The following LIMCH1 variants were observed in gnomAD, a reference collection of about 807,000 sequenced individuals.
The protein encoded by LIMCH1 is LIM and calponin homology domains 1.
A neutral mutation model predicts 176.5 loss-of-function variants in LIMCH1; 113 were observed. The observed-to-expected ratio is 0.64, with a 90% CI of 0.55 to 0.75. LIMCH1 has a LOEUF of 0.75. Among genes scored for constraint, LIMCH1 ranks in the 30% least tolerant of loss-of-function variants. The probability of loss-of-function intolerance (pLI) is 0.00; values close to 1 mark genes in which losing one functional copy is unlikely to be tolerated. For missense variants in LIMCH1, 1,674 were observed against 1,814.9 expected (o/e 0.92, Z 1.41); for synonymous variants, 619 against 645.9 (o/e 0.96, Z 0.63).
At chr4:41,619,702 G>A (rs2092415522) in intron 6 of LIMCH1, 2 of 513,038 alleles carry the variant, frequency 3.9e-6, no homozygotes, top group Admixed American at 6.4e-5. Flanking sequence ...AACCAATTCT[G>A]TTGATAGGAC....
At chr4:41,546,733 C>A (rs997533045) in intron 1 of LIMCH1, among the ~76,000 whole-genome samples, 2 of 152,080 alleles carry the variant, frequency 1.3e-5, no homozygotes, top group Admixed American at 1.3e-4. Flanking sequence ...TTAGTACAAT[C>A]AGAGCAAAAA....
At chr4:41,538,117 T>C, upstream of LIMCH1, 1 of 964,276 alleles carries the variant, frequency 1.0e-6, no homozygotes, top group Non-Finnish European at 1.2e-6. Flanking sequence ...CTCCAATAGG[T>C]GTGGCAATCA....
intron 1 of LIMCH1, among the ~76,000 whole-genome samples, chr4:41,440,693 C>T (rs547248980): frequency 2.6e-5 from 4 of 152,118 alleles, no homozygotes; most frequent in African/African-American, 7.2e-5. Flanking sequence ...CCACCGCGCC[C>T]GGCTAATTTT....
chr4:41,365,477 CAT>C (rs1457125024), intron 1 of LIMCH1, among the ~76,000 whole-genome samples: 1 of 152,206 alleles, frequency 6.6e-6, no homozygotes, highest in South Asian at 2.1e-4. Flanking sequence ...TGGCCAGTAA[CAT>C]ATGACTTTTG....
rs557064698 is a variant in LIMCH1, at chr4:41,432,048, G to A, written c.97-62488G>A. Among the ~76,000 whole-genome samples, 11 of 152,300 alleles carry A rather than the reference G, an allele frequency of 7.2e-5. No homozygotes were observed. The South Asian group carries it at 2.1e-3, about 29-fold the overall frequency. On this transcript the variant is annotated intron_variant, in intron 1 of 26. Coordinates refer to the LIMCH1 transcript ENST00000313860. Reference sequence around the variant, plus strand: ...TTGCAGGTGAAGAAATTTAGGCTAGGATGTTAAATAATTTGTCCAAGGCAG... The same window carrying A: ...TTGCAGGTGAAGAAATTTAGGCTAGAATGTTAAATAATTTGTCCAAGGCAG...
chr4:41,675,917 G>A (rs909713531), intron 22 of LIMCH1, among the ~76,000 whole-genome samples: 39 of 152,202 alleles, frequency 2.6e-4, no homozygotes, highest in African/African-American at 9.2e-4. Context: ...GTAGGGAAAA[G>A]TGGTATGGAA....
chr4:41,363,550 T>C (rs1380879636), intron 1 of LIMCH1, among the ~76,000 whole-genome samples: 6 of 152,200 alleles, frequency 3.9e-5, no homozygotes, highest in Non-Finnish European at 8.8e-5. Flanking sequence ...CCTTGAGTCA[T>C]GGATTGGCAA....
At chr4:41,643,978 T>A (rs2093941936) in intron 14 of LIMCH1, among the ~76,000 whole-genome samples, 1 of 152,096 alleles carries the variant, frequency 6.6e-6, no homozygotes, top group South Asian at 2.1e-4. Context: ...CCAAATGATA[T>A]TTTTTTGGAA....
At chr4:41,371,361 C>T (rs1466105862) in intron 1 of LIMCH1, among the ~76,000 whole-genome samples, 2 of 152,126 alleles carry the variant, frequency 1.3e-5, no homozygotes, top group African/African-American at 4.8e-5. Flanking sequence ...GTGGTTAGGA[C>T]CATGATGAAA....
intron 1 of LIMCH1, among the ~76,000 whole-genome samples, chr4:41,426,316 C>T (rs971503404): frequency 3.9e-5 from 6 of 152,154 alleles, no homozygotes; most frequent in African/African-American, 1.2e-4. Context: ...CCACTGCGCC[C>T]GGCCCGTGAA....
At chr4:41,415,820 A>T (rs892589829) in intron 1 of LIMCH1, among the ~76,000 whole-genome samples, 4 of 132,064 alleles carry the variant, frequency 3.0e-5, no homozygotes, top group African/African-American at 1.4e-4. Context: ...TACTAAAAAT[A>T]AAAAAAAATA....
chr4:41,530,082 T>TCTGG (rs2077092753), intron 3 of LIMCH1, among the ~76,000 whole-genome samples: 1 of 152,238 alleles, frequency 6.6e-6, no homozygotes, highest in Admixed American at 6.5e-5. Context: ...AGTTATCTGC[T>TCTGG]TTAGTTTATG....
chr4:41,438,690 A>AT (rs5857795), intron 1 of LIMCH1, among the ~76,000 whole-genome samples: 30,677 of 145,598 alleles, frequency 0.21, 3,614 homozygotes, highest in South Asian at 0.32. Flanking sequence ...GTGAAGGACT[A>AT]TTTTTTTTTT....
intron 1 of LIMCH1, among the ~76,000 whole-genome samples, chr4:41,547,859 GTGTGTATATATATATATATATA>G (rs2079757737): frequency 1.4e-5 from 1 of 69,444 alleles, no homozygotes; most frequent in Admixed American, 1.6e-4. Context: ...TAATTTGTGT[GTGTGTATATATATATATATATA>G]TATATATATA....
At position 41,572,701 on chromosome 4, in the gene LIMCH1, G is replaced by A. The variant is rs181075355; in HGVS notation, c.-240-26219G>A. Among the ~76,000 whole-genome samples the A allele has an allele frequency of 5.6e-4, 85 of 152,266 alleles. 1 individual carries two copies. The highest frequency in any genetic ancestry group is 1.8e-3 in the Admixed American group (28 of 15,290). On this transcript the variant is annotated intron_variant, in intron 1 of 31. Transcript: ENST00000503057. ...AACTGTAATTAGAGTCTGTGAAATC[G>A]CACAACCAGAGTATTGTCACATGGT...
chr4:41,650,676 A>G (rs911635248), intron 18 of LIMCH1, 68 bp downstream of exon 18: 2 of 1,319,382 alleles, frequency 1.5e-6, no homozygotes, highest in African/African-American at 3.0e-5. Flanking sequence ...GTTTTTAAAA[A>G]TAAGTAGGTC....
intron 23 of LIMCH1, among the ~76,000 whole-genome samples, chr4:41,676,677 A>G (rs958660200): frequency 1.3e-5 from 2 of 152,168 alleles, no homozygotes; most frequent in African/African-American, 4.8e-5. Flanking sequence ...ATGAAAAACC[A>G]TTCATATTAA....
At chr4:41,512,369 GT>G (rs1271239733) in intron 2 of LIMCH1, among the ~76,000 whole-genome samples, 6 of 152,118 alleles carry the variant, frequency 3.9e-5, no homozygotes, top group African/African-American at 1.4e-4. Flanking sequence ...TAAACATTAA[GT>G]TACCATATGA....
chr4:41,499,324 T>C (rs1251215182), intron 2 of LIMCH1, among the ~76,000 whole-genome samples: 1 of 152,206 alleles, frequency 6.6e-6, no homozygotes, highest in Non-Finnish European at 1.5e-5. Flanking sequence ...ATGCCTCTTT[T>C]TCCCTGAACC....
Sources: allele counts gnomAD v4.1 joint callset (sites outside exome capture counted in the v4.1 genomes callset), GRCh38; gene constraint gnomAD v4.1.1; transcripts MANE v1.5; gene names NCBI Gene and HGNC (gene_info 2026-07-23, HGNC 2026-07-21).